The following RCBTB2 variants were observed in gnomAD, a reference collection of about 807,000 sequenced individuals.
RCBTB2 encodes the protein RCC1 and BTB domain-containing protein 2.
Under a neutral mutation model 65.4 loss-of-function variants are expected in RCBTB2, and 55 were observed. The ratio of observed to expected loss-of-function variants is 0.84; its 90% CI spans 0.68 to 1.05. RCBTB2 has a LOEUF of 1.05. Among genes scored for constraint, RCBTB2 ranks in the 50% least tolerant of loss-of-function variants. The probability of loss-of-function intolerance (pLI) is 0.00; values close to 1 mark genes in which losing one functional copy is unlikely to be tolerated. For synonymous variants in RCBTB2, 220 were observed against 255.2 expected (o/e 0.86, Z 1.31); for missense variants, 599 against 680.1 (o/e 0.88, Z 1.33).
In RCBTB2 at chr13:48,523,283, T is replaced by G. The variant is rs903929883; in HGVS notation, c.-119-880A>C. ...GATTTACATCAATGTGGATCCTGAT[T>G]ACCCAAATGGGCTGGGACCTCTTCT... On this transcript the variant is annotated intron_variant, in intron 2 of 14. Transcript: ENST00000344532. Among the ~76,000 whole-genome samples the G allele has an allele frequency of 6.0e-4, 92 of 152,354 alleles. 1 individual carries two copies. Among genetic ancestry groups the G allele is most frequent in the African/African-American group, 2.2e-3 (90 of 41,584 alleles).
intron 12 of RCBTB2, among the ~76,000 whole-genome samples, chr13:48,501,364 AAGTGATT>A (rs1476438217): frequency 6.6e-6 from 1 of 152,180 alleles, no homozygotes; most frequent in African/African-American, 2.4e-5. Flanking sequence ...AGTACGCCAC[AAGTGATT>A]ATAAGAAGGT....
chr13:48,521,996 C>T, intron 3 of RCBTB2, 34 bp from the exon 4 acceptor site: 1 of 1,582,370 alleles, frequency 6.3e-7, no homozygotes, highest in Non-Finnish European at 8.7e-7. Flanking sequence ...ATCAGGATCC[C>T]TTATGTTCGA....
At chr13:48,520,238 A>G (rs9331972) in intron 4 of RCBTB2, among the ~76,000 whole-genome samples, 5,518 of 152,198 alleles carry the variant, frequency 0.036, 342 homozygotes, top group African/African-American at 0.13. Context: ...ATAGTCCCCC[A>G]TAGGAGCCTC....
intron 1 of RCBTB2, chr13:48,532,602 G>C (rs1371664380): frequency 5.2e-6 from 1 of 193,572 alleles, no homozygotes; most frequent in African/African-American, 2.4e-5. Flanking sequence ...GGGAGCTTAG[G>C]ATGAGAGCGG....
chr13:48,493,838 C>T (rs1375122319), intron 14 of RCBTB2, among the ~76,000 whole-genome samples: 2 of 152,112 alleles, frequency 1.3e-5, no homozygotes, highest in Non-Finnish European at 2.9e-5. Flanking sequence ...ACCTATCTCC[C>T]CTCACCAGAA....
chr13:48,505,043 TTTCTTTC>T (rs1213438921), intron 10 of RCBTB2, among the ~76,000 whole-genome samples: 1 of 145,836 alleles, frequency 6.9e-6, no homozygotes, highest in African/African-American at 2.8e-5. Flanking sequence ...TTGTTTTTTA[TTTCTTTC>T]TTTTTTTTTT....
intron 10 of RCBTB2, among the ~76,000 whole-genome samples, 198 bp from the exon 11 acceptor site, chr13:48,503,112 T>C (rs1427852553): frequency 6.6e-6 from 1 of 152,192 alleles, no homozygotes; most frequent in African/African-American, 2.4e-5. Flanking sequence ...AAACCGTTAT[T>C]TACATTTAAG....
chr13:48,490,373 T>C, intron 14 of RCBTB2, 122 bp from the exon 15 acceptor site: 1 of 734,404 alleles, frequency 1.4e-6, no homozygotes. Flanking sequence ...GTGGAGGAAA[T>C]GATGGCATGG....
Position 48,517,297 on chromosome 13 carries a change from T to C in RCBTB2, c.43-1556A>G, listed in dbSNP as rs1314939540. Among the ~76,000 whole-genome samples the C allele has an allele frequency of 3.1e-4, 47 of 152,210 alleles. 2 individuals carry two copies. Among genetic ancestry groups the C allele is most frequent in the Admixed American group, 3.1e-3 (47 of 15,280 alleles). On this transcript the variant is annotated intron_variant, in intron 4 of 14. Coordinates refer to ENST00000344532, the MANE Select transcript of RCBTB2 (RefSeq NM_001268.4). ...TAACAATGCAATACCTACCTTTGTG[T>C]TGGTTAATGAACAAGTAAATGAATG...
chr13:48,495,067 A>G (rs1339248456), intron 14 of RCBTB2, among the ~76,000 whole-genome samples: 1 of 152,224 alleles, frequency 6.6e-6, no homozygotes, highest in African/African-American at 2.4e-5. Flanking sequence ...AAAAAAAGTT[A>G]TAACCTTTCA....
At position 48,514,926 on chromosome 13, in the gene RCBTB2, C is replaced by T. The variant is rs372469541; in HGVS notation, c.349+279G>A. On this transcript the variant is annotated intron_variant, in intron 6 of 14. Coordinates refer to ENST00000344532, the MANE Select transcript of RCBTB2 (RefSeq NM_001268.4). ...AGGTTTAGTCTTTCAATTCATAGAT[C>T]AAGAATCCAAAGTTCAGACAGACTT... 2.6e-5 allele frequency among the ~76,000 whole-genome samples: 4 copies of T among 152,158 alleles called. No individual in the cohort carries two copies. The East Asian group carries it at 7.7e-4, about 29-fold the overall frequency.
intron 10 of RCBTB2, among the ~76,000 whole-genome samples, chr13:48,509,873 G>T (rs558025504): frequency 2.6e-5 from 4 of 152,186 alleles, no homozygotes; most frequent in Admixed American, 2.6e-4. Context: ...ATATAATAAA[G>T]ATATATGCAG....
chr13:48,506,870 T>TGGAGCAC (rs1257885945), intron 10 of RCBTB2, among the ~76,000 whole-genome samples: 2 of 152,190 alleles, frequency 1.3e-5, no homozygotes, highest in East Asian at 3.8e-4. Flanking sequence ...TCCTTTGGGG[T>TGGAGCAC]AATGTTCTAT....
chr13:48,499,238 C>T lies in RCBTB2; in HGVS notation c.1384+383G>A, dbSNP rs1304799014. Among the ~76,000 whole-genome samples the T allele has an allele frequency of 2.0e-5, 3 of 152,214 alleles. No homozygotes were observed. In the East Asian group the frequency reaches 5.8e-4, roughly 29 times the overall value. On this transcript the variant is annotated intron_variant, in intron 13 of 14. Coordinates refer to ENST00000344532, the MANE Select transcript of RCBTB2 (RefSeq NM_001268.4). ...GAATTTTTAGCCAAGCTACGGCCCT[C>T]TGGAAATGCCCATTTTCCCAGCCTC...
Position 48,502,807 on chromosome 13 carries a change from G to T in RCBTB2, c.1034C>A (p.Pro345Gln). ...AGTGCAGGAGAAGTGGGTGAGGTGC[G>T]GGAGGATCACGGACTGACCCCGGCA... Reference protein sequence around the residue: ...GQCRGQSVILPHLTHFSCTDD... With the variant: ...GQCRGQSVILQHLTHFSCTDD... Residue 345 changes from proline (P) to glutamine (Q), a missense_variant, in exon 11 of 15, where the codon CCG becomes CAG. Transcript: ENST00000344532. 6.2e-7 allele frequency: 1 copy of T among 1,614,196 alleles called. No individual in the cohort carries two copies. Among genetic ancestry groups the T allele is most frequent in the South Asian group, 1.1e-5 (1 of 91,086 alleles).
Position 48,490,111 on chromosome 13 carries a change from T to C in RCBTB2, c.1656A>G (p.Ter552TrpextTer8). ...CTCAAAAACTTTCCTGCAGATGGGATCAATTTTTAAAGGCTCCAACTCTGC... is the reference window on the plus strand; with the variant it reads ...CTCAAAAACTTTCCTGCAGATGGGACCAATTTTTAAAGGCTCCAACTCTGC... Reference protein sequence around the residue: ...KASRVGAFKN* With the variant: ...KASRVGAFKNW Residue 552 changes from the stop codon to tryptophan, a stop_lost, in exon 15 of 15, where the codon TGA (stop) becomes TGG (tryptophan). Transcript: ENST00000344532. 1 of 1,613,988 alleles carries C rather than the reference T, an allele frequency of 6.2e-7. No homozygotes were observed. The highest frequency in any genetic ancestry group is 1.1e-5 in the South Asian group (1 of 91,050).
intron 14 of RCBTB2, among the ~76,000 whole-genome samples, chr13:48,495,069 A>C (rs2138413740): frequency 6.6e-6 from 1 of 152,318 alleles, no homozygotes; most frequent in Admixed American, 6.5e-5. Context: ...AAAAAGTTAT[A>C]ACCTTTCATC....
chr13:48,515,102 A>T, intron 6 of RCBTB2, 103 bp downstream of exon 6: 1 of 1,058,302 alleles, frequency 9.4e-7, no homozygotes, highest in Non-Finnish European at 1.4e-6. Context: ...TCCAAAACAT[A>T]GTCAATTTCA....
chr13:48,533,882 T>C (rs749370767), upstream of RCBTB2, among the ~76,000 whole-genome samples: 2 of 152,218 alleles, frequency 1.3e-5, no homozygotes, highest in Non-Finnish European at 2.9e-5. Flanking sequence ...CTACTTGCTT[T>C]TATACTGGCT....
Sources: gnomAD v4.1 joint callset for allele counts (sites outside exome capture counted in the v4.1 genomes callset) on GRCh38, gnomAD v4.1.1 for gene constraint, MANE v1.5 for transcripts, NCBI Gene and HGNC (gene_info 2026-07-23, HGNC 2026-07-21) for gene names.